The following CCDC24 variants were observed in gnomAD, a reference collection of about 807,000 sequenced individuals.
The protein encoded by CCDC24 is coiled-coil domain-containing protein 24.
CCDC24 carries 34 observed loss-of-function variants against 31.6 expected under a neutral mutation model. The ratio of observed to expected loss-of-function variants is 1.08; its 90% confidence interval spans 0.82 to 1.43. CCDC24 has a LOEUF of 1.43. Ranked by LOEUF, CCDC24 falls within the 40% of genes most tolerant of loss-of-function variation. The pLI, the probability that CCDC24 is intolerant of heterozygous loss-of-function variation, is 0.00. For synonymous variants in CCDC24, 175 were observed against 157.3 expected, an observed-to-expected ratio of 1.11 and a Z score of -0.84; for missense variants, 426 against 391.1, an observed-to-expected ratio of 1.09 and a Z score of -0.75.
At chr1:43,992,472 G>A in intron 3 of CCDC24, 51 bp from the exon 4 acceptor site, 1 of 1,613,256 alleles carries the variant, frequency 6.2e-7, no homozygotes, top group Non-Finnish European at 8.5e-7. Context: ...TGCCTTTTCT[G>A]TGGTTTCCAG....
In CCDC24 at chr1:43,991,658, T is replaced by G. The variant is rs2085745267; in HGVS notation, c.-121T>G. 2 of 720,770 alleles carry G rather than the reference T, an allele frequency of 2.8e-6. No individual in the cohort carries two copies. Among genetic ancestry groups the G allele is most frequent in the African/African-American group, 3.5e-5 (2 of 57,422 alleles). The allele number at this position is 720,770 out of a possible 1,614,324, so 44.6% of individuals were successfully genotyped here. A position where few individuals can be genotyped will look rare whatever the true frequency, so the allele number is the denominator to read the frequency against. ...GGTTTCTGGGCCCCCGGCATCCGAGTCGGCCAAAAGCCGGGCAGAAGAGAG... is the reference window on the plus strand; with the variant it reads ...GGTTTCTGGGCCCCCGGCATCCGAGGCGGCCAAAAGCCGGGCAGAAGAGAG... On this transcript the variant is annotated 5_prime_UTR_variant, in exon 1 of 9. Coordinates refer to ENST00000372318, the MANE Select transcript of CCDC24 (RefSeq NM_152499.4).
Position 43,995,044 on chromosome 1 carries a change from G to C in CCDC24, c.498-64G>C. On this transcript the variant is annotated intron_variant, in intron 5 of 8. Coordinates refer to ENST00000372318, the MANE Select transcript of CCDC24 (RefSeq NM_152499.4). The surrounding 1 kb of genome is among the most constrained non-coding windows in gnomAD (Gnocchi z 4.3). ...CTGAGGCTGGAGGTTGGGGCCATGT[G>C]GTGGACTCAGCTGAGCCCTGGTCCT... 6.8e-7 allele frequency: 1 copy of C among 1,479,966 alleles called. No homozygotes were observed. The highest frequency in any genetic ancestry group is 9.2e-7 in the Non-Finnish European group (1 of 1,083,892). The allele number at this position is 1,479,966 out of a possible 1,614,324, so 91.7% of individuals were successfully genotyped here. A position where few individuals can be genotyped will look rare whatever the true frequency, so the allele number is the denominator to read the frequency against.
intron 4 of CCDC24, 41 bp from the exon 5 acceptor site, chr1:43,993,846 G>A (rs770018755): frequency 6.3e-7 from 1 of 1,596,852 alleles, no homozygotes; most frequent in East Asian, 2.2e-5. Context: ...GAAGGCCTGG[G>A]GTGAGCAACA....
Position 43,991,653 on chromosome 1 carries a change from C to T in CCDC24, c.-126C>T. On this transcript the variant is annotated 5_prime_UTR_variant, in exon 1 of 9. Coordinates refer to ENST00000372318, the MANE Select transcript of CCDC24 (RefSeq NM_152499.4). ...TGCCTGGTTTCTGGGCCCCCGGCAT[C>T]CGAGTCGGCCAAAAGCCGGGCAGAA... The T allele has an allele frequency of 1.4e-6, 1 of 716,820 alleles. No homozygotes were observed. Among genetic ancestry groups the T allele is most frequent in the Non-Finnish European group, 2.5e-6 (1 of 398,112 alleles). 44.4% of individuals were successfully genotyped at this position (716,820 alleles called of 1,614,324 possible). A position where few individuals can be genotyped will look rare whatever the true frequency, so the allele number is the denominator to read the frequency against.
rs1340691027 is a variant in CCDC24 at position 43,995,961 on chromosome 1, C to T, written c.725C>T (p.Thr242Ile). The stretch of plus-strand genomic sequence containing the variant: ...AGGCAGCGGCCCTTGGGGTCCTCCA[C>T]ACAGGGCCTCAGACCCCCGCTTCCC... ...NHRQRPLGSS[T>I]QGLRPPLPLC... Residue 242 changes from threonine to isoleucine, a missense_variant, in exon 9 of 9, where the codon ACA (threonine) becomes ATA (isoleucine). Thr to Ile is a moderately conservative substitution (Grantham distance 89). Transcript: ENST00000372318. The surrounding 1 kb of genome is among the most constrained non-coding windows in gnomAD (Gnocchi z 4.3). 3 of 1,614,028 alleles carry T rather than the reference C, an allele frequency of 1.9e-6. No individual in the cohort carries two copies. Among genetic ancestry groups the T allele is most frequent in the African/African-American group, 1.3e-5 (1 of 74,944 alleles).
At chr1:43,994,093 G>C (rs1478228039) in intron 5 of CCDC24, 129 bp downstream of exon 5, 5 of 787,250 alleles carry the variant, frequency 6.4e-6, no homozygotes, top group Non-Finnish European at 1.1e-5. Flanking sequence ...GTAAGGCTGA[G>C]AGGTGGAAAG....
rs374121315 is a variant in CCDC24, at chr1:43,995,868, C to T, written c.701+12C>T. 8 of 1,614,228 alleles carry T rather than the reference C, an allele frequency of 5.0e-6. No individual in the cohort carries two copies. The highest frequency in any genetic ancestry group is 6.8e-6 in the Non-Finnish European group (8 of 1,180,016). ...TCTCCCAACCACAGGTAAACCACAA[C>T]AGTAGACACAGGGCAGGGTGGACTG... is the stretch of plus-strand genomic sequence containing the variant. On this transcript the variant is annotated intron_variant, in intron 8 of 8. Coordinates refer to ENST00000372318, the MANE Select transcript of CCDC24 (RefSeq NM_152499.4). The surrounding 1 kb of genome is among the most constrained non-coding windows in gnomAD (Gnocchi z 4.3).
At chr1:43,992,838 G>A (rs1557656862) in intron 4 of CCDC24, among the ~76,000 whole-genome samples, 199 bp downstream of exon 4, 2 of 152,250 alleles carry the variant, frequency 1.3e-5, no homozygotes, top group African/African-American at 4.8e-5. Flanking sequence ...GACAGGCAAA[G>A]CTTCCTGGAG....
In CCDC24 at chr1:43,995,314, C is replaced by T; in HGVS notation, c.552+152C>T. ...TCTCAGGGGTGCATGCTTGTGTGCACCTGCAAAATCCTGGAGGCCCAGGAT... is the reference window on the plus strand; with the variant it reads ...TCTCAGGGGTGCATGCTTGTGTGCATCTGCAAAATCCTGGAGGCCCAGGAT... On this transcript the variant is annotated intron_variant, in intron 6 of 8. Transcript: ENST00000372318. The surrounding 1 kb of genome is among the most constrained non-coding windows in gnomAD (Gnocchi z 4.3). 2 of 843,140 alleles carry T rather than the reference C, an allele frequency of 2.4e-6. No individual in the cohort carries two copies. The highest frequency in any genetic ancestry group is 3.7e-6 in the Non-Finnish European group (2 of 543,104). The allele number at this position is 843,140 out of a possible 1,614,324, so 52.2% of individuals were successfully genotyped here. A position where few individuals can be genotyped will look rare whatever the true frequency, so the allele number is the denominator to read the frequency against.
chr1:43,995,911 C>T lies in CCDC24; in HGVS notation c.702-27C>T. On this transcript the variant is annotated intron_variant, in intron 8 of 8. Coordinates refer to ENST00000372318, the MANE Select transcript of CCDC24 (RefSeq NM_152499.4). This position sits in a 1 kb window ranked among gnomAD's most constrained non-coding sequence, Gnocchi z 4.3. ...GTGGACTGAAGGATCAGACCACCAC[C>T]CCTCACAGTTACTCTTTCTTGTCCA... The T allele has an allele frequency of 6.2e-7, 1 of 1,613,646 alleles. No homozygotes were observed. Among genetic ancestry groups the T allele is most frequent in the Non-Finnish European group, 8.5e-7 (1 of 1,179,558 alleles).
In CCDC24 at chr1:43,995,638, C is replaced by G; in HGVS notation, c.590C>G (p.Pro197Arg). ...GAGGAGTATTTGAGGCCTTGCCACC[C>G]CTCTGAGGCAGCCCTGGAGCCCACC... ...LEEEYLRPCH[P>R]SEAALEPTLA... is the part of the protein sequence containing the mutation. Residue 197 changes from proline (P) to arginine (R), a missense_variant, in exon 7 of 9, where the codon CCC (proline) becomes CGC (arginine). Coordinates refer to ENST00000372318, the MANE Select transcript of CCDC24 (RefSeq NM_152499.4). The surrounding 1 kb of genome is among the most constrained non-coding windows in gnomAD (Gnocchi z 4.3). 1.9e-6 allele frequency: 3 copies of G among 1,612,918 alleles called. No individual in the cohort carries two copies. The highest frequency in any genetic ancestry group is 2.5e-6 in the Non-Finnish European group (3 of 1,179,436).
chr1:43,995,292 C>T lies in CCDC24; in HGVS notation c.552+130C>T. The T allele has an allele frequency of 2.0e-6, 2 of 992,618 alleles. No homozygotes were observed. Among genetic ancestry groups the T allele is most frequent in the Non-Finnish European group, 3.0e-6 (2 of 663,052 alleles). 61.5% of individuals were successfully genotyped at this position (992,618 alleles called of 1,614,324 possible). On this transcript the variant is annotated intron_variant, in intron 6 of 8. Transcript: ENST00000372318. This position sits in a 1 kb window ranked among gnomAD's most constrained non-coding sequence, Gnocchi z 4.3. ...CTATGTGAGTCCTGCATCCATTTCT[C>T]AGGGGTGCATGCTTGTGTGCACCTG...
At chr1:43,991,802 C>T (rs1249832700) in intron 1 of CCDC24, 45 bp from the exon 2 acceptor site, 2 of 1,529,024 alleles carry the variant, frequency 1.3e-6, no homozygotes, top group Non-Finnish European at 1.8e-6. Flanking sequence ...TGAGCGTTGC[C>T]GGCGGGCCCG....
Position 43,991,859 on chromosome 1 carries a change from GA to G in CCDC24, c.-19del. On this transcript the variant is annotated 5_prime_UTR_variant, in exon 2 of 9. Transcript: ENST00000372318. ...CTGCGGCCCGTAGGTCCGAGCCGGG[GA>G]CGGCGGCGTCGGTGGGTCATGCTCC... The G allele has an allele frequency of 6.5e-7, 1 of 1,549,570 alleles. No homozygotes were observed. Among genetic ancestry groups the G allele is most frequent in the Non-Finnish European group, 8.7e-7 (1 of 1,146,244 alleles).
At position 43,994,167 on chromosome 1, in the gene CCDC24, C is replaced by T. The variant is rs184988155; in HGVS notation, c.497+203C>T. ...AGCAGCCAAGTACAGATGCCACGGC[C>T]GAGCATGATGGTGCATGCCTATAAT... On this transcript the variant is annotated intron_variant, in intron 5 of 8. Coordinates refer to ENST00000372318, the MANE Select transcript of CCDC24 (RefSeq NM_152499.4). The T allele has an allele frequency of 5.0e-5, 28 of 564,192 alleles. No individual in the cohort carries two copies. In the East Asian group the frequency reaches 6.8e-4, roughly 14 times the overall value. The allele number at this position is 564,192 out of a possible 1,614,324, so 34.9% of individuals were successfully genotyped here.
At position 43,995,103 on chromosome 1, in the gene CCDC24, C is replaced by A; in HGVS notation, c.498-5C>A. 1 of 1,579,304 alleles carries A rather than the reference C, an allele frequency of 6.3e-7. No individual in the cohort carries two copies. The highest frequency in any genetic ancestry group is 2.3e-5 in the East Asian group (1 of 43,008). On this transcript the variant is annotated splice_polypyrimidine_tract_variant and splice_region_variant and intron_variant, in intron 5 of 8. Transcript: ENST00000372318. The surrounding 1 kb of genome is among the most constrained non-coding windows in gnomAD (Gnocchi z 4.3). ...GGTTCTGGCTGCTGCTCCCTCATGT[C>A]CCAGGGGCCTTCTGGAGGAGGAGTG...
Position 43,996,415 on chromosome 1 carries a change from GCAGACAGAGGTCT to G in CCDC24, c.*258_*270del. The G allele has an allele frequency of 2.2e-6, 1 of 453,256 alleles. No individual in the cohort carries two copies. Among genetic ancestry groups the G allele is most frequent in the East Asian group, 3.5e-5 (1 of 28,956 alleles). 28.1% of individuals were successfully genotyped at this position (453,256 alleles called of 1,614,324 possible). On this transcript the variant is annotated 3_prime_UTR_variant, in exon 9 of 9. Transcript: ENST00000372318. ...CCTCCCAGGCCTCCACAAAGGCCTG[GCAGACAGAGGTCT>G]CATTCCAGCCTGACTCTTGTCCCCT...
At position 43,991,894 on chromosome 1, in the gene CCDC24, C is replaced by T. The variant is rs199903133; in HGVS notation, c.16C>T (p.Pro6Ser). 15 of 1,552,312 alleles carry T rather than the reference C, an allele frequency of 9.7e-6. No individual in the cohort carries two copies. The highest frequency in any genetic ancestry group is 1.3e-5 in the Non-Finnish European group (15 of 1,147,494). The change falls in exon 2 of 9, where the codon CCC becomes TCC. Residue 6 changes from proline to serine, a missense_variant. Transcript: ENST00000372318. MLRHSPSLWELVEEHV... is the reference protein window; with the variant it reads MLRHSSSLWELVEEHV... ...TCGGTGGGTCATGCTCCGGCACTCC[C>T]CCTCGCTGTGGGAGCTGGTGGAGGA...
intron 2 of CCDC24, 56 bp downstream of exon 2, chr1:43,992,060 T>C (rs759954151): frequency 1.5e-6 from 2 of 1,327,358 alleles, no homozygotes; most frequent in Admixed American, 4.0e-5. Flanking sequence ...TCGGGTGATT[T>C]CCCACCTCTG....
Sources: gnomAD v4.1 joint callset for allele counts (sites outside exome capture counted in the v4.1 genomes callset) on GRCh38, gnomAD v4.1.1 for gene constraint, Gnocchi (gnomAD v3.1) non-coding constraint, MANE v1.5 for transcripts, NCBI Gene and HGNC (gene_info 2026-07-23, HGNC 2026-07-21) for gene names.